The following ADGRB3 variants were observed in gnomAD, a reference collection of about 807,000 sequenced individuals.
The protein encoded by ADGRB3 is adhesion G protein-coupled receptor B3, also known as brain-specific angiogenesis inhibitor 3.
Under a neutral mutation model 193.4 loss-of-function variants are expected in ADGRB3, and 37 were observed. That is an observed-to-expected ratio of 0.19 (90% CI 0.15 to 0.25). ADGRB3 has a LOEUF of 0.25. Among genes scored for constraint, ADGRB3 ranks in the 10% least tolerant of loss-of-function variants. The pLI is 1.00. For synonymous variants in ADGRB3, 690 were observed against 644.2 expected (o/e 1.07, Z -1.08); for missense variants, 1,637 against 1,852.9 (o/e 0.88, Z 2.14).
At chr6:68,662,314 A>T (rs1488119756) in intron 3 of ADGRB3, among the ~76,000 whole-genome samples, 1 of 151,570 alleles carries the variant, frequency 6.6e-6, no homozygotes, top group Non-Finnish European at 1.5e-5. Context: ...AGTCTAAGTT[A>T]ATTTTCAGAG....
intron 3 of ADGRB3, among the ~76,000 whole-genome samples, chr6:68,830,432 C>T (rs910394981): frequency 3.3e-5 from 5 of 152,074 alleles, no homozygotes; most frequent in African/African-American, 1.2e-4. Flanking sequence ...GAATTTCTGT[C>T]CTAGTTCTTT....
In ADGRB3 at chr6:69,389,010, C is replaced by A; in HGVS notation, c.*119C>A. On this transcript the variant is annotated 3_prime_UTR_variant, in exon 32 of 32. Coordinates refer to ENST00000370598, the MANE Select transcript of ADGRB3 (RefSeq NM_001704.3). ...ATCTTATGTCAGGACCTTCATGTGC[C>A]AAACGTCAGTGGTGTTTTCATATGG... The A allele has an allele frequency of 9.9e-7, 1 of 1,005,546 alleles. No individual in the cohort carries two copies. The highest frequency in any genetic ancestry group is 1.4e-6 in the Non-Finnish European group (1 of 702,632). The allele number at this position is 1,005,546 out of a possible 1,614,324, so 62.3% of individuals were successfully genotyped here.
At chr6:68,988,944 A>G (rs1447120845) in intron 10 of ADGRB3, among the ~76,000 whole-genome samples, 1 of 152,186 alleles carries the variant, frequency 6.6e-6, no homozygotes, top group African/African-American at 2.4e-5. Flanking sequence ...CTGAACCAAG[A>G]ACAGATGGAA....
intron 3 of ADGRB3, among the ~76,000 whole-genome samples, chr6:68,888,577 A>ACACACAT (rs780228072): frequency 3.3e-5 from 5 of 151,760 alleles, no homozygotes; most frequent in Non-Finnish European, 5.9e-5. Flanking sequence ...ACACACACAT[A>ACACACAT]AAAAAAACTC....
chr6:68,890,673 A>G (rs1291187361), intron 3 of ADGRB3, among the ~76,000 whole-genome samples: 1 of 152,204 alleles, frequency 6.6e-6, no homozygotes, highest in East Asian at 1.9e-4. Flanking sequence ...TGCAGGGTGG[A>G]TAGTTGTAAA....
intron 20 of ADGRB3, among the ~76,000 whole-genome samples, chr6:69,323,596 G>C (rs2127308183): frequency 6.6e-6 from 1 of 152,014 alleles, no homozygotes; most frequent in East Asian, 1.9e-4. Flanking sequence ...AAATTGTTTT[G>C]TTTTACTACT....
Position 69,014,062 on chromosome 6 carries a change from C to A in ADGRB3, c.1954C>A (p.Leu652Ile). Residue 652 changes from leucine to isoleucine, a missense_variant, in exon 12 of 32, where the codon CTT (leucine) becomes ATT (isoleucine). Coordinates refer to ENST00000370598, the MANE Select transcript of ADGRB3 (RefSeq NM_001704.3). Reference protein sequence around the residue: ...VQNFFQIVSNLLDEENKEKWE... With the variant: ...VQNFFQIVSNILDEENKEKWE... ...GAACTTCTTTCAAATAGTTAGCAAC[C>A]TTCTAGATGAAGAAAACAAGGAAAA... 6.3e-7 allele frequency: 1 copy of A among 1,598,342 alleles called. No homozygotes were observed. The highest frequency in any genetic ancestry group is 8.5e-7 in the Non-Finnish European group (1 of 1,169,632).
chr6:69,139,813 A>G (rs1451550174), intron 17 of ADGRB3, among the ~76,000 whole-genome samples: 1 of 152,252 alleles, frequency 6.6e-6, no homozygotes, highest in Non-Finnish European at 1.5e-5. Context: ...GTGTATCCTG[A>G]CTAAAATACA....
Position 68,881,520 on chromosome 6 carries a change from A to C in ADGRB3, c.758-49039A>C, listed in dbSNP as rs533405427. Among the ~76,000 whole-genome samples, 4 of 152,318 alleles carry C rather than the reference A, an allele frequency of 2.6e-5. No homozygotes were observed. In the East Asian group the frequency reaches 7.7e-4, roughly 29 times the overall value. On this transcript the variant is annotated intron_variant, in intron 3 of 31. Coordinates refer to ENST00000370598, the MANE Select transcript of ADGRB3 (RefSeq NM_001704.3). ...ACGAGTACACGGATGACTAAGACAC[A>C]TTCTTTCTCTTCTTGTAGTTTTGCA...
chr6:68,685,688 C>T (rs571571448), intron 3 of ADGRB3, among the ~76,000 whole-genome samples: 2 of 151,584 alleles, frequency 1.3e-5, no homozygotes, highest in Admixed American at 1.3e-4. Context: ...ACCAGCCTGA[C>T]CAAGATGGTG....
chr6:68,724,549 G>T (rs528092398), intron 3 of ADGRB3, among the ~76,000 whole-genome samples: 36 of 151,072 alleles, frequency 2.4e-4, no homozygotes, highest in Non-Finnish European at 3.8e-4. Flanking sequence ...GAAGTAAAAA[G>T]AAAAATAAAA....
intron 3 of ADGRB3, among the ~76,000 whole-genome samples, chr6:68,691,951 C>G (rs912834762): frequency 2.0e-5 from 3 of 151,450 alleles, no homozygotes; most frequent in African/African-American, 7.3e-5. Flanking sequence ...TTAACAGGTA[C>G]TAATGAAATC....
intron 13 of ADGRB3, among the ~76,000 whole-genome samples, chr6:69,041,127 A>G (rs1771056125): frequency 6.6e-6 from 1 of 152,156 alleles, no homozygotes; most frequent in African/African-American, 2.4e-5. Context: ...TGATGGCTAC[A>G]TGTTACTCTC....
intron 17 of ADGRB3, among the ~76,000 whole-genome samples, chr6:69,186,546 A>G (rs58160941): frequency 1.5e-3 from 229 of 152,206 alleles, no homozygotes; most frequent in African/African-American, 5.1e-3. Context: ...GTACCTGAAA[A>G]AAGAAAAAAA....
intron 16 of ADGRB3, among the ~76,000 whole-genome samples, chr6:69,071,876 G>A (rs1387344747): frequency 6.6e-6 from 1 of 151,964 alleles, no homozygotes; most frequent in Non-Finnish European, 1.5e-5. Flanking sequence ...ATTACATTTT[G>A]TTATATTGGG....
chr6:69,129,890 C>A (rs555473910), intron 17 of ADGRB3, among the ~76,000 whole-genome samples: 3 of 152,206 alleles, frequency 2.0e-5, no homozygotes, highest in Admixed American at 6.5e-5. Flanking sequence ...TTCCTAGACT[C>A]TGTTTCATTA....
intron 13 of ADGRB3, among the ~76,000 whole-genome samples, chr6:69,022,935 A>G (rs541485498): frequency 6.6e-6 from 1 of 152,092 alleles, no homozygotes; most frequent in South Asian, 2.1e-4. Context: ...TTTTGGTTAT[A>G]TTTTCAGTTA....
At chr6:68,974,626 C>A (rs1342693420) in intron 8 of ADGRB3, 137 bp from the exon 9 acceptor site, 27 of 618,458 alleles carry the variant, frequency 4.4e-5, no homozygotes, top group Non-Finnish European at 1.7e-5. Flanking sequence ...CAGAGTGAGA[C>A]CCCATCTCTA....
intron 3 of ADGRB3, among the ~76,000 whole-genome samples, chr6:68,680,776 T>G (rs142394522): frequency 9.7e-4 from 148 of 152,250 alleles, no homozygotes; most frequent in African/African-American, 3.5e-3. Flanking sequence ...AATATATAAG[T>G]ATTAAGATCT....
Sources: gnomAD v4.1 joint callset for allele counts (sites outside exome capture counted in the v4.1 genomes callset) on GRCh38, gnomAD v4.1.1 for gene constraint, MANE v1.5 for transcripts, NCBI Gene and HGNC (gene_info 2026-07-23, HGNC 2026-07-21) for gene names.